SEMA3A: variants seen among roughly 807,000 people sequenced by gnomAD.
The protein encoded by SEMA3A is semaphorin 3A, also known as semaphorin-3A.
In SEMA3A, 29 loss-of-function variants were observed where a neutral mutation model predicts 97.9. The observed-to-expected ratio is 0.30, with a 90% CI of 0.22 to 0.40. The LOEUF (loss-of-function observed/expected upper bound fraction) is 0.40. SEMA3A is among the 10% of genes least tolerant of loss of function. The pLI, the probability that SEMA3A is intolerant of heterozygous loss-of-function variation, is 1.00. For synonymous variants in SEMA3A, 321 were observed against 323.7 expected (o/e 0.99, Z 0.09); for missense variants, 763 against 951.3 (o/e 0.80, Z 2.60).
chr7:84,286,906 C>G (rs1322573105), intron 3 of SEMA3A, among the ~76,000 whole-genome samples: 3 of 152,024 alleles, frequency 2.0e-5, no homozygotes, highest in African/African-American at 7.2e-5. Flanking sequence ...TTTATCTCAC[C>G]ATCAATCTAC....
At chr7:84,388,972 C>A (rs578017060) in intron 1 of SEMA3A, among the ~76,000 whole-genome samples, 1 of 151,952 alleles carries the variant, frequency 6.6e-6, no homozygotes, top group African/African-American at 2.4e-5. Context: ...TCTAGAGTAT[C>A]AAAATCAAAA....
intron 4 of SEMA3A, among the ~76,000 whole-genome samples, chr7:84,062,735 G>A (rs1035083341): frequency 2.6e-5 from 4 of 152,232 alleles, no homozygotes; most frequent in Admixed American, 2.0e-4. Flanking sequence ...GGCGCATCAC[G>A]AGATTATATC....
intron 3 of SEMA3A, among the ~76,000 whole-genome samples, chr7:84,279,999 G>A (rs547391564): frequency 1.3e-5 from 2 of 152,286 alleles, no homozygotes; most frequent in Admixed American, 1.3e-4. Flanking sequence ...CAGGGCTTAT[G>A]TGATCCACCC....
intron 1 of SEMA3A, among the ~76,000 whole-genome samples, chr7:84,187,251 T>C (rs1584101239): frequency 6.6e-6 from 1 of 152,216 alleles, no homozygotes; most frequent in South Asian, 2.1e-4. Context: ...ACTGATTTGA[T>C]CTTCACAAAC....
intron 3 of SEMA3A, among the ~76,000 whole-genome samples, chr7:84,285,133 A>G (rs1451562647): frequency 6.6e-6 from 1 of 151,998 alleles, no homozygotes; most frequent in Non-Finnish European, 1.5e-5. Flanking sequence ...TTTTTCTCCC[A>G]TTTTACTTAT....
chr7:84,346,792 C>A (rs936183685), intron 2 of SEMA3A, among the ~76,000 whole-genome samples: 1 of 152,114 alleles, frequency 6.6e-6, no homozygotes, highest in Non-Finnish European at 1.5e-5. Flanking sequence ...GACACAGAGA[C>A]ATGAAGTGAG....
chr7:84,460,266 A>G (rs1805794849), intron 1 of SEMA3A, among the ~76,000 whole-genome samples: 1 of 152,172 alleles, frequency 6.6e-6, no homozygotes, highest in Admixed American at 6.5e-5. Flanking sequence ...TCAATGGGAT[A>G]AAAGTTTGAC....
intron 1 of SEMA3A, among the ~76,000 whole-genome samples, chr7:84,471,193 G>C (rs947904702): frequency 1.1e-4 from 17 of 151,958 alleles, no homozygotes; most frequent in Non-Finnish European, 2.1e-4. Context: ...TTGATCATAA[G>C]CATTAATCCT....
At chr7:84,451,567 T>A (rs1329469659) in intron 1 of SEMA3A, among the ~76,000 whole-genome samples, 7 of 152,318 alleles carry the variant, frequency 4.6e-5, no homozygotes, top group South Asian at 2.1e-4. Context: ...GAAATTTGCC[T>A]CATAGAAGCA....
intron 3 of SEMA3A, among the ~76,000 whole-genome samples, chr7:84,239,992 A>G (rs1181330310): frequency 2.0e-5 from 3 of 152,152 alleles, no homozygotes. Flanking sequence ...AGCAATATAT[A>G]TAACTATAAT....
intron 1 of SEMA3A, among the ~76,000 whole-genome samples, chr7:84,427,982 GT>G (rs1288820665): frequency 6.6e-6 from 1 of 152,152 alleles, no homozygotes; most frequent in African/African-American, 2.4e-5. Flanking sequence ...AAATTTTAAA[GT>G]AATGAATATT....
At chr7:84,132,497 A>C (rs1049110367) in intron 2 of SEMA3A, among the ~76,000 whole-genome samples, 1 of 152,024 alleles carries the variant, frequency 6.6e-6, no homozygotes, top group Non-Finnish European at 1.5e-5. Context: ...AATGTTAAAT[A>C]AATTAAATAT....
chr7:84,301,963 A>G (rs1217904076), intron 3 of SEMA3A, among the ~76,000 whole-genome samples: 1 of 152,154 alleles, frequency 6.6e-6, no homozygotes, highest in Non-Finnish European at 1.5e-5. Flanking sequence ...TATTCATACA[A>G]AGACTTGTAT....
chr7:84,099,664 G>T (rs1406917710), intron 4 of SEMA3A, among the ~76,000 whole-genome samples: 2 of 151,872 alleles, frequency 1.3e-5, no homozygotes, highest in Admixed American at 1.3e-4. Context: ...TTTTTAATGA[G>T]GAGTTTAAAC....
At chr7:84,319,085 A>G (rs614046) in intron 2 of SEMA3A, among the ~76,000 whole-genome samples, 115,831 of 152,152 alleles carry the variant, frequency 0.76, 45,181 homozygotes, top group African/African-American at 0.94. Flanking sequence ...TTAATACTTA[A>G]AACATTTCAG....
In SEMA3A at chr7:84,093,500, G is replaced by A. The variant is rs144912733; in HGVS notation, c.453+16970C>T. Among the ~76,000 whole-genome samples the A allele has an allele frequency of 1.7e-3, 263 of 152,076 alleles. 1 individual carries two copies. The highest frequency in any genetic ancestry group is 5.2e-3 in the African/African-American group (216 of 41,498). ...AATATCCAAGAGAAGATCTATCAAC[G>A]CAACAAAAGCAATAAATGCAATGTC... On this transcript the variant is annotated intron_variant, in intron 4 of 16. Coordinates refer to ENST00000265362, the MANE Select transcript of SEMA3A (RefSeq NM_006080.3).
intron 1 of SEMA3A, among the ~76,000 whole-genome samples, chr7:84,180,695 A>G (rs1562835545): frequency 2.0e-5 from 3 of 152,150 alleles, no homozygotes; most frequent in Non-Finnish European, 4.4e-5. Flanking sequence ...CTCAAATAAT[A>G]AAAAATAAAA....
At chr7:84,195,550 C>G (rs560909638), upstream of SEMA3A, 1 of 152,154 alleles carries the variant, frequency 6.6e-6, no homozygotes, top group East Asian at 1.9e-4. Flanking sequence ...TCAACCACCC[C>G]CTTCCTCTGT....
rs73712706 is a variant in SEMA3A, at chr7:84,206,969, C to T, written c.-82-12301G>A. The stretch of plus-strand genomic sequence containing the variant: ...CCACCTTTAAATATTCAATTATTTA[C>T]AAAGTCTTCCAAAATTATTTATCCT... On this transcript the variant is annotated intron_variant, in intron 3 of 3. Coordinates refer to the SEMA3A transcript ENST00000424555. Among the ~76,000 whole-genome samples the T allele has an allele frequency of 9.2e-3, 1,395 of 152,230 alleles. 16 individuals are homozygous for T. The highest frequency in any genetic ancestry group is 0.032 in the African/African-American group (1,347 of 41,526).
Sources: gnomAD v4.1 joint callset for allele counts (sites outside exome capture counted in the v4.1 genomes callset) on GRCh38, gnomAD v4.1.1 for gene constraint, MANE v1.5 for transcripts, NCBI Gene and HGNC (gene_info 2026-07-23, HGNC 2026-07-21) for gene names.